The following LEMD1 variants were observed in gnomAD, a reference collection of about 807,000 sequenced individuals.
LEMD1 encodes the protein LEM domain-containing protein 1.
Under a neutral mutation model 17.4 loss-of-function variants are expected in LEMD1, and 18 were observed. The ratio of observed to expected loss-of-function variants is 1.04; its 90% confidence interval spans 0.72 to 1.54. The LOEUF (loss-of-function observed/expected upper bound fraction) is 1.54, where lower values mean the gene tolerates loss of function less well. Among genes scored for constraint, LEMD1 ranks in the 40% most tolerant of loss-of-function variants. The pLI is 0.00. For synonymous variants in LEMD1, 88 were observed against 77.8 expected, an observed-to-expected ratio of 1.13 and a Z score of -0.69; for missense variants, 195 against 210.4, an observed-to-expected ratio of 0.93 and a Z score of 0.45.
chr1:205,412,002 G>A (rs908179940), intron 4 of LEMD1, among the ~76,000 whole-genome samples: 11 of 152,130 alleles, frequency 7.2e-5, no homozygotes, highest in South Asian at 2.1e-4. Flanking sequence ...CCTTGGAACC[G>A]CTCCCAAACC....
intron 4 of LEMD1, among the ~76,000 whole-genome samples, chr1:205,394,788 A>C (rs2102366042): frequency 6.6e-6 from 1 of 152,116 alleles, no homozygotes. Flanking sequence ...GGAGTTTGAG[A>C]CCAACCTGAC....
intron 1 of LEMD1, among the ~76,000 whole-genome samples, chr1:205,443,270 A>G (rs1666326005): frequency 6.6e-6 from 1 of 152,204 alleles, no homozygotes; most frequent in Non-Finnish European, 1.5e-5. Flanking sequence ...GGTGCAGCTC[A>G]GGGTCTCTGG....
intron 1 of LEMD1, among the ~76,000 whole-genome samples, chr1:205,446,373 C>T (rs1214865032): frequency 1.3e-5 from 2 of 152,218 alleles, no homozygotes; most frequent in Non-Finnish European, 2.9e-5. Flanking sequence ...CAACTTACCT[C>T]TTTTACCCCA....
chr1:205,434,370 A>G (rs1666172401), intron 1 of LEMD1, among the ~76,000 whole-genome samples: 1 of 147,214 alleles, frequency 6.8e-6, no homozygotes, highest in African/African-American at 2.5e-5. Flanking sequence ...TATTATATAT[A>G]TATATATTTA....
chr1:205,408,712 C>T (rs185571073), intron 4 of LEMD1, among the ~76,000 whole-genome samples: 1 of 151,928 alleles, frequency 6.6e-6, no homozygotes, highest in Non-Finnish European at 1.5e-5. Context: ...GTTGCCCAGG[C>T]TAGTCTCGAA....
At chr1:205,422,467 T>G (rs959804919), upstream of LEMD1, among the ~76,000 whole-genome samples, 7 of 152,164 alleles carry the variant, frequency 4.6e-5, no homozygotes, top group African/African-American at 1.7e-4. Context: ...ATTATTCAAT[T>G]AAGAAAATAA....
chr1:205,433,780 C>A (rs1477436429), intron 1 of LEMD1, among the ~76,000 whole-genome samples: 1 of 152,218 alleles, frequency 6.6e-6, no homozygotes, highest in Non-Finnish European at 1.5e-5. Context: ...GGTGGCTGAG[C>A]CTGCAGAAGA....
At chr1:205,397,139 AGCC>A in intron 4 of LEMD1, among the ~76,000 whole-genome samples, 1 of 152,092 alleles carries the variant, frequency 6.6e-6, no homozygotes. Context: ...CAGAAAGACG[AGCC>A]TTTGCTTCCG....
In LEMD1 at chr1:205,381,721, A is replaced by G; in HGVS notation, c.483T>C (p.Leu161=). ...GFPVGLKLAV[L]GIFIIVVFVY... ...CAAACACCACAATGATGAAAATACC[A>G]AGCACAGCAAGCTTCAAGCCCACTG... The change falls in exon 6 of 6, where the codon CTT becomes CTC. Residue 161 remains leucine, a synonymous_variant. Transcript: ENST00000367153. 6.2e-7 allele frequency: 1 copy of G among 1,614,212 alleles called. No individual in the cohort carries two copies. The highest frequency in any genetic ancestry group is 8.5e-7 in the Non-Finnish European group (1 of 1,180,026).
intron 4 of LEMD1, among the ~76,000 whole-genome samples, chr1:205,406,703 G>A (rs960359279): frequency 1.1e-4 from 17 of 152,188 alleles, no homozygotes; most frequent in African/African-American, 2.4e-4. Context: ...CACATGGTGC[G>A]CTGCACCCAC....
At chr1:205,396,613 A>G (rs1344509051) in intron 4 of LEMD1, among the ~76,000 whole-genome samples, 1 of 152,220 alleles carries the variant, frequency 6.6e-6, no homozygotes, top group Non-Finnish European at 1.5e-5. Flanking sequence ...GTGAAAATAA[A>G]TGAACTAAAG....
chr1:205,382,027 G>T (rs1264749529), intron 5 of LEMD1, 171 bp from the exon 6 acceptor site: 1 of 628,162 alleles, frequency 1.6e-6, no homozygotes, highest in Admixed American at 2.9e-5. Flanking sequence ...TTTAAGACAG[G>T]ATCTTGTTCT....
Position 205,420,525 on chromosome 1 carries a change from C to T in LEMD1, c.12G>A (p.Val4=), listed in dbSNP as rs72748911. 1.5e-5 allele frequency: 24 copies of T among 1,613,852 alleles called. No individual in the cohort carries two copies. Among genetic ancestry groups the T allele is most frequent in the Non-Finnish European group, 2.0e-5 (24 of 1,179,754 alleles). The change falls in exon 2 of 6, where the codon GTG becomes GTA. Residue 4 remains valine, a synonymous_variant. Coordinates refer to ENST00000367153, the MANE Select transcript of LEMD1 (RefSeq NM_001199050.2). MVD[V]KCLSDCKLQN... ...GCAATTTACAGTCACTCAGACACTT[C>T]ACATCCACCATGATGATAGAAGTTT...
At chr1:205,384,761 A>T (rs1205856528) in intron 4 of LEMD1, among the ~76,000 whole-genome samples, 1 of 152,228 alleles carries the variant, frequency 6.6e-6, no homozygotes, top group African/African-American at 2.4e-5. Context: ...ACTATGAACA[A>T]GGACTAGAAA....
intron 4 of LEMD1, among the ~76,000 whole-genome samples, chr1:205,394,986 CAA>C (rs751367678): frequency 8.3e-6 from 1 of 120,364 alleles, no homozygotes; most frequent in Non-Finnish European, 1.8e-5. Flanking sequence ...GACTCCTTCT[CAA>C]AAAAAAAAAA....
At chr1:205,430,318 C>T (rs1309639264) in intron 1 of LEMD1, among the ~76,000 whole-genome samples, 1 of 152,156 alleles carries the variant, frequency 6.6e-6, no homozygotes, top group Non-Finnish European at 1.5e-5. Flanking sequence ...GACGGCTGGG[C>T]GGAGGGGCAT....
chr1:205,411,640 A>G (rs748295809), intron 4 of LEMD1, among the ~76,000 whole-genome samples: 2 of 141,180 alleles, frequency 1.4e-5, no homozygotes, highest in Non-Finnish European at 3.1e-5. Flanking sequence ...GAAGGAAGGA[A>G]AAGAGAAAGA....
upstream of LEMD1, among the ~76,000 whole-genome samples, chr1:205,425,589 C>A (rs1328216917): frequency 6.6e-6 from 1 of 152,178 alleles, no homozygotes; most frequent in Admixed American, 6.5e-5. Flanking sequence ...GCTAAGGCTG[C>A]AGATGAGGAA....
intron 4 of LEMD1, among the ~76,000 whole-genome samples, chr1:205,404,717 G>T (rs916598072): frequency 6.6e-6 from 1 of 151,502 alleles, no homozygotes; most frequent in Non-Finnish European, 1.5e-5. Context: ...AGTTAATATT[G>T]TTATGTGTGA....
Sources: allele counts gnomAD v4.1 joint callset (sites outside exome capture counted in the v4.1 genomes callset), GRCh38; gene constraint gnomAD v4.1.1; transcripts MANE v1.5; gene names NCBI Gene and HGNC (gene_info 2026-07-23, HGNC 2026-07-21).